TNFRSF21: variants seen among roughly 807,000 people sequenced by gnomAD.
TNFRSF21 encodes the protein tumor necrosis factor receptor superfamily member 21.
In TNFRSF21, 19 loss-of-function variants were observed where a neutral mutation model predicts 45.6. That is an observed-to-expected ratio of 0.42 (90% confidence interval 0.29 to 0.61). The LOEUF (loss-of-function observed/expected upper bound fraction) is 0.61, where lower values mean the gene tolerates loss of function less well. TNFRSF21 is among the 20% of genes least tolerant of loss of function. The probability of loss-of-function intolerance (pLI) is 0.23; values close to 1 mark genes in which losing one functional copy is unlikely to be tolerated. For missense variants in TNFRSF21, 737 were observed against 851.5 expected (o/e 0.87, Z 1.67); for synonymous variants, 314 against 335.5 (o/e 0.94, Z 0.70).
chr6:47,276,162 C>T (rs1032467873), intron 3 of TNFRSF21, among the ~76,000 whole-genome samples: 2 of 152,170 alleles, frequency 1.3e-5, no homozygotes, highest in African/African-American at 4.8e-5. Flanking sequence ...CCTCTCTTCT[C>T]TATGGCTCCA....
At position 47,232,719 on chromosome 6, in the gene TNFRSF21, C is replaced by T; in HGVS notation, c.*46G>A. The T allele has an allele frequency of 6.4e-7, 1 of 1,573,478 alleles. No homozygotes were observed. The highest frequency in any genetic ancestry group is 1.1e-5 in the South Asian group (1 of 88,316). ...AAACAGAAGAAAATTAAAAAACCAC[C>T]CTGCCACTAAATTGAGTAATTTCCA... On this transcript the variant is annotated 3_prime_UTR_variant, in exon 6 of 6. Transcript: ENST00000296861.
intron 3 of TNFRSF21, among the ~76,000 whole-genome samples, chr6:47,280,434 G>A (rs773741825): frequency 3.9e-5 from 6 of 152,130 alleles, no homozygotes; most frequent in Non-Finnish European, 7.4e-5. Context: ...GATTTTACCC[G>A]GTTGCATGTT....
intron 3 of TNFRSF21, among the ~76,000 whole-genome samples, chr6:47,262,790 G>GGGAGAGGGACCAAGAGGAGTCGC (rs1233375567): frequency 3.0e-4 from 45 of 152,294 alleles, no homozygotes; most frequent in African/African-American, 9.9e-4. Context: ...AAGTGGGCCA[G>GGGAGAGGGACCAAGAGGAGTCGC]GGAGAGGGAC....
intron 4 of TNFRSF21, among the ~76,000 whole-genome samples, chr6:47,241,481 ATT>A (rs143145661): frequency 6.6e-6 from 1 of 151,176 alleles, no homozygotes; most frequent in Non-Finnish European, 1.5e-5. Flanking sequence ...AATGTACCCA[ATT>A]TTTTTTTTGC....
At position 47,263,767 on chromosome 6, in the gene TNFRSF21, G is replaced by C. The variant is rs577799580; in HGVS notation, c.1244-10246C>G. On this transcript the variant is annotated intron_variant, in intron 3 of 5. Transcript: ENST00000296861. ...CATATTTACTAATTCTAAGACACCT[G>C]AATGTATATTTTAATCAATGTCTTT... Among the ~76,000 whole-genome samples, 19 of 152,314 alleles carry C rather than the reference G, an allele frequency of 1.2e-4. No individual in the cohort carries two copies. The East Asian group carries it at 3.7e-3, about 29-fold the overall frequency.
chr6:47,279,579 T>A (rs1582345040), intron 3 of TNFRSF21, among the ~76,000 whole-genome samples: 1 of 152,352 alleles, frequency 6.6e-6, no homozygotes, highest in East Asian at 1.9e-4. Context: ...TCTCAATTAA[T>A]GTGAATCCAC....
intron 1 of TNFRSF21, among the ~76,000 whole-genome samples, chr6:47,295,443 G>C (rs1762779230): frequency 6.6e-6 from 1 of 152,178 alleles, no homozygotes; most frequent in African/African-American, 2.4e-5. Context: ...CTATGAGTTT[G>C]TTGTAGAATT....
At chr6:47,299,323 C>T (rs1295630983) in intron 1 of TNFRSF21, among the ~76,000 whole-genome samples, 3 of 151,874 alleles carry the variant, frequency 2.0e-5, no homozygotes, top group African/African-American at 2.4e-5. Flanking sequence ...GGTGAAACCC[C>T]GCCTCTACTA....
chr6:47,305,591 A>G (rs1453769689), intron 1 of TNFRSF21, among the ~76,000 whole-genome samples: 5 of 152,202 alleles, frequency 3.3e-5, no homozygotes, highest in South Asian at 2.1e-4. Flanking sequence ...TGAATTGCCA[A>G]TGTACGAGGT....
chr6:47,298,059 C>A (rs1762814367), intron 1 of TNFRSF21, among the ~76,000 whole-genome samples: 1 of 151,974 alleles, frequency 6.6e-6, no homozygotes, highest in Admixed American at 6.6e-5. Flanking sequence ...TGAGAAAACA[C>A]AAGAGAGCAG....
In TNFRSF21 at chr6:47,295,728, G is replaced by A. The variant is rs1045836446; in HGVS notation, c.97-9133C>T. 2.6e-5 allele frequency among the ~76,000 whole-genome samples: 4 copies of A among 152,018 alleles called. No homozygotes were observed. The South Asian group carries it at 6.2e-4, about 24-fold the overall frequency. On this transcript the variant is annotated intron_variant, in intron 1 of 5. Transcript: ENST00000296861. ...CAAAGAGGAAAGCTTCAAGGACAGAGCTTCCACAAATCACAGACAGAACTG... is the reference window on the plus strand; with the variant it reads ...CAAAGAGGAAAGCTTCAAGGACAGAACTTCCACAAATCACAGACAGAACTG...
chr6:47,274,905 T>C (rs373884335), intron 3 of TNFRSF21, among the ~76,000 whole-genome samples: 1 of 152,174 alleles, frequency 6.6e-6, no homozygotes, highest in African/African-American at 2.4e-5. Context: ...TCATCACTGG[T>C]CATCAGAGAA....
rs775157846 is a variant in TNFRSF21, at chr6:47,286,193, G to A, written c.499C>T (p.Arg167Trp). Residue 167 changes from arginine (R) to tryptophan (W), a missense_variant, in exon 2 of 6, where the codon CGG becomes TGG. Arg to Trp is a moderately radical substitution (Grantham distance 101). Transcript: ENST00000296861. ...GTACCCCGAGCACACTGCTTACACC[G>A]CACATCCTCAGTCTCTGTCCCTTTC... ...RKKGTETEDV[R>W]CKQCARGTFS... 34 of 1,614,064 alleles carry A rather than the reference G, an allele frequency of 2.1e-5. 1 individual carries two copies. The highest frequency in any genetic ancestry group is 1.5e-4 in the Admixed American group (9 of 59,998).
intron 4 of TNFRSF21, among the ~76,000 whole-genome samples, chr6:47,239,432 G>A (rs1764714914): frequency 6.6e-6 from 1 of 152,150 alleles, no homozygotes; most frequent in South Asian, 2.1e-4. Context: ...CCTAGCCCCG[G>A]GGATGGCAGA....
At chr6:47,298,907 G>C (rs948831639) in intron 1 of TNFRSF21, among the ~76,000 whole-genome samples, 2 of 152,178 alleles carry the variant, frequency 1.3e-5, no homozygotes, top group Admixed American at 1.3e-4. Flanking sequence ...GCCAGAAATG[G>C]TGACTTAGTT....
intron 4 of TNFRSF21, among the ~76,000 whole-genome samples, chr6:47,246,229 G>C (rs1249758432): frequency 6.6e-6 from 1 of 152,222 alleles, no homozygotes; most frequent in Non-Finnish European, 1.5e-5. Flanking sequence ...AGCAAATGCT[G>C]ATTTCAACTT....
intron 4 of TNFRSF21, among the ~76,000 whole-genome samples, chr6:47,244,689 A>G (rs938747874): frequency 2.6e-5 from 4 of 152,164 alleles, no homozygotes; most frequent in African/African-American, 9.7e-5. Context: ...GTGAAAGTCC[A>G]ACTGTAGATC....
rs376887021 is a variant in TNFRSF21 at position 47,303,119 on chromosome 6, T to A, written c.96+6297A>T. On this transcript the variant is annotated intron_variant, in intron 1 of 5. Transcript: ENST00000296861. ...TCCACAGCTGCTCTCATTTGATTCC[T>A]GGACTCATGGACTCACTCCTCTCCA... Among the ~76,000 whole-genome samples, 19 of 152,334 alleles carry A rather than the reference T, an allele frequency of 1.2e-4. 1 individual carries two copies. The South Asian group carries it at 3.1e-3, about 25-fold the overall frequency.
chr6:47,264,489 TG>T (rs1451823558), intron 3 of TNFRSF21, among the ~76,000 whole-genome samples: 2 of 152,160 alleles, frequency 1.3e-5, no homozygotes, highest in Non-Finnish European at 2.9e-5. Context: ...CACTCCAGCC[TG>T]GGCGACAGAG....
Sources: gnomAD v4.1 joint callset for allele counts (sites outside exome capture counted in the v4.1 genomes callset) on GRCh38, gnomAD v4.1.1 for gene constraint, MANE v1.5 for transcripts, NCBI Gene and HGNC (gene_info 2026-07-23, HGNC 2026-07-21) for gene names.